Variants in EEF2K observed in about 807,000 individuals in gnomAD.
The protein encoded by EEF2K is alternative protein EEF2K.
In EEF2K, 70 loss-of-function variants were observed where a neutral mutation model predicts 93.8. That is an observed-to-expected ratio of 0.75 (90% CI 0.62 to 0.91). The LOEUF (loss-of-function observed/expected upper bound fraction) is 0.91, where lower values mean the gene tolerates loss of function less well. Ranked by LOEUF, EEF2K falls within the 40% of genes least tolerant of loss-of-function variation. The probability of loss-of-function intolerance (pLI) is 0.00; values close to 1 mark genes in which losing one functional copy is unlikely to be tolerated. For missense variants in EEF2K, 935 were observed against 972.9 expected, an observed-to-expected ratio of 0.96 and a Z score of 0.52; for synonymous variants, 376 against 380.8, an observed-to-expected ratio of 0.99 and a Z score of 0.15.
At chr16:22,254,165 G>C (rs2047377769) in intron 6 of EEF2K, among the ~76,000 whole-genome samples, 1 of 152,132 alleles carries the variant, frequency 6.6e-6, no homozygotes, top group South Asian at 2.1e-4. Context: ...GTTGACTTAA[G>C]GGAGGGAGAG....
intron 6 of EEF2K, among the ~76,000 whole-genome samples, chr16:22,253,505 G>C (rs1326442850): frequency 6.6e-6 from 1 of 152,064 alleles, no homozygotes; most frequent in Non-Finnish European, 1.5e-5. Context: ...CCCTGGCTGT[G>C]GGCTTGGCGG....
chr16:22,280,083 C>A, intron 16 of EEF2K, 115 bp from the exon 17 acceptor site: 12 of 1,069,742 alleles, frequency 1.1e-5, no homozygotes, highest in Non-Finnish European at 1.5e-5. Flanking sequence ...AGGTCGTGAA[C>A]CATAGGTGGT....
chr16:22,245,357 C>T (rs554063723), intron 3 of EEF2K, among the ~76,000 whole-genome samples: 18 of 152,282 alleles, frequency 1.2e-4, no homozygotes, highest in African/African-American at 4.1e-4. Context: ...TAGACCCACG[C>T]ACTTCAAACC....
rs761259294 is a variant in EEF2K at position 22,280,320 on chromosome 16, A to G, written c.2012A>G (p.Glu671Gly). The change falls in exon 17 of 18, where the codon GAG becomes GGG. Residue 671 changes from glutamate (E) to glycine (G), a missense_variant. Glu to Gly is a moderately conservative substitution (Grantham distance 98). Coordinates refer to ENST00000263026, the MANE Select transcript of EEF2K (RefSeq NM_013302.5). Reference sequence around the variant, plus strand: ...CCCCGGTACATGATGCTGGCCAGGGAGGCCGAGATGCTGTTCACAGGAGGC... The same window carrying G: ...CCCCGGTACATGATGCTGGCCAGGGGGGCCGAGATGCTGTTCACAGGAGGC... ...DEPRYMMLAREAEMLFTGGYG... is the reference protein window; with the variant it reads ...DEPRYMMLARGAEMLFTGGYG... The G allele has an allele frequency of 4.4e-6, 7 of 1,607,034 alleles. No individual in the cohort carries two copies. In the South Asian group the frequency reaches 4.5e-5, roughly 10 times the overall value.
intron 1 of EEF2K, among the ~76,000 whole-genome samples, chr16:22,218,835 G>A (rs534462744): frequency 3.5e-4 from 53 of 151,920 alleles, no homozygotes; most frequent in African/African-American, 1.2e-3. Context: ...ATAGAAATAG[G>A]GACTGGAGGC....
At chr16:22,260,364 G>A in intron 10 of EEF2K, 98 bp from the exon 11 acceptor site, 5 of 1,097,408 alleles carry the variant, frequency 4.6e-6, no homozygotes, top group East Asian at 2.5e-5. Context: ...AAAAAAAAAA[G>A]GCTTGGTGGC....
chr16:22,208,356 C>A (rs1420625770), intron 1 of EEF2K, among the ~76,000 whole-genome samples: 1 of 152,100 alleles, frequency 6.6e-6, no homozygotes, highest in Non-Finnish European at 1.5e-5. Flanking sequence ...GCCCCCATCT[C>A]TACTAAAAAT....
intron 17 of EEF2K, among the ~76,000 whole-genome samples, chr16:22,283,144 A>G (rs375391235): frequency 6.6e-6 from 1 of 151,992 alleles, no homozygotes; most frequent in African/African-American, 2.4e-5. Context: ...CCCCATCCCT[A>G]CTAAAAATAC....
intron 1 of EEF2K, 74 bp from the exon 2 acceptor site, chr16:22,225,580 T>G: frequency 4.1e-6 from 5 of 1,219,172 alleles, no homozygotes; most frequent in Non-Finnish European, 5.6e-6. Flanking sequence ...GCCTGCAGCA[T>G]TTGGGGTGAG....
chr16:22,220,335 C>T (rs1050102041), intron 1 of EEF2K, among the ~76,000 whole-genome samples: 2 of 152,184 alleles, frequency 1.3e-5, no homozygotes, highest in Non-Finnish European at 2.9e-5. Flanking sequence ...GGGACATGGC[C>T]GAGGGCCGAG....
At chr16:22,213,663 G>A (rs1188968739) in intron 1 of EEF2K, among the ~76,000 whole-genome samples, 3 of 152,236 alleles carry the variant, frequency 2.0e-5, no homozygotes, top group African/African-American at 4.8e-5. Flanking sequence ...CAGCATGGCT[G>A]TGTTCCTTCT....
intron 16 of EEF2K, among the ~76,000 whole-genome samples, chr16:22,274,021 T>A (rs750385854): frequency 1.3e-5 from 2 of 152,174 alleles, no homozygotes; most frequent in African/African-American, 2.4e-5. Flanking sequence ...AAGCATGTGG[T>A]ATGGCTGGGC....
chr16:22,212,600 G>C (rs1343110530), intron 1 of EEF2K, among the ~76,000 whole-genome samples: 1 of 152,078 alleles, frequency 6.6e-6, no homozygotes. Flanking sequence ...GATTACAGTC[G>C]TGAGCCACCG....
At chr16:22,256,071 G>A (rs1490191482) in intron 6 of EEF2K, among the ~76,000 whole-genome samples, 2 of 151,888 alleles carry the variant, frequency 1.3e-5, no homozygotes, top group Admixed American at 6.6e-5. Context: ...GCACAAGCAC[G>A]CCCAGCTAAT....
intron 16 of EEF2K, among the ~76,000 whole-genome samples, chr16:22,276,763 C>T (rs2047640923): frequency 6.6e-6 from 1 of 152,090 alleles, no homozygotes; most frequent in Admixed American, 6.6e-5. Context: ...GTCTCCTAGT[C>T]AGTGTTAAAA....
At chr16:22,281,111 G>A (rs1257576492) in intron 17 of EEF2K, among the ~76,000 whole-genome samples, 1 of 151,962 alleles carries the variant, frequency 6.6e-6, no homozygotes, top group Admixed American at 6.6e-5. Flanking sequence ...GTTTTTAGTA[G>A]AGATGGGGTT....
rs1310427938 is a variant in EEF2K, at chr16:22,286,518, A to AT, written c.*2523dup. ...GTGAAGATTTTAGGCTTTGCAGGCC[A>AT]TATAGCCTCTGCTGCAAATGCTCAG... On this transcript the variant is annotated 3_prime_UTR_variant, in exon 18 of 18. Coordinates refer to ENST00000263026, the MANE Select transcript of EEF2K (RefSeq NM_013302.5). 1 of 152,260 alleles carries AT rather than the reference A, an allele frequency of 6.6e-6. No individual in the cohort carries two copies. The allele number at this position is 152,260 out of a possible 1,614,324, so 9.4% of individuals were successfully genotyped here. A position where few individuals can be genotyped will look rare whatever the true frequency, so the allele number is the denominator to read the frequency against.
In EEF2K at chr16:22,266,823, G is replaced by A. The variant is rs140031125; in HGVS notation, c.1711G>A (p.Gly571Arg). ...CGAGCTGGAGGCCATCGTGGGCCTGGGACTCATGTACTCGCAGTTGCCTCA... is the reference window on the plus strand; with the variant it reads ...CGAGCTGGAGGCCATCGTGGGCCTGAGACTCATGTACTCGCAGTTGCCTCA... ...LGELEAIVGL[G>R]LMYSQLPHHI... The change falls in exon 15 of 18, where the codon GGA (glycine) becomes AGA (arginine). Residue 571 changes from glycine to arginine, a missense_variant. By Grantham distance (125) the Gly-to-Arg change is moderately radical (BLOSUM62 -2). Transcript: ENST00000263026. 3.6e-5 allele frequency: 58 copies of A among 1,613,980 alleles called. No individual in the cohort carries two copies. The African/African-American group carries it at 6.1e-4, about 17-fold the overall frequency.
intron 10 of EEF2K, 134 bp from the exon 11 acceptor site, chr16:22,260,328 T>G: frequency 1.2e-6 from 1 of 802,508 alleles, no homozygotes; most frequent in Non-Finnish European, 2.0e-6. Context: ...TCTTCTCCTT[T>G]TTTGTGCCTT....
Sources: allele counts gnomAD v4.1 joint callset (sites outside exome capture counted in the v4.1 genomes callset), GRCh38; gene constraint gnomAD v4.1.1; transcripts MANE v1.5; gene names NCBI Gene and HGNC (gene_info 2026-07-23, HGNC 2026-07-21).